TTC3: variants seen among roughly 807,000 people sequenced by gnomAD.
The protein encoded by TTC3 is tetratricopeptide repeat domain 3, also known as E3 ubiquitin-protein ligase TTC3.
Under a neutral mutation model 249.6 loss-of-function variants are expected in TTC3, and 180 were observed. That is an observed-to-expected ratio of 0.72 (90% CI 0.64 to 0.82). TTC3 has a LOEUF of 0.82. Among genes scored for constraint, TTC3 ranks in the 40% least tolerant of loss-of-function variants. The pLI, the probability that TTC3 is intolerant of heterozygous loss-of-function variation, is 0.00. For missense variants in TTC3, 2,061 were observed against 2,398.4 expected, an observed-to-expected ratio of 0.86 and a Z score of 2.94; for synonymous variants, 717 against 805.0, an observed-to-expected ratio of 0.89 and a Z score of 1.85.
intron 1 of TTC3, among the ~76,000 whole-genome samples, chr21:37,073,754 T>C (rs11701575): frequency 0.68 from 103,836 of 151,998 alleles, 35,906 homozygotes; most frequent in African/African-American, 0.77. Flanking sequence ...TCGTCGCCCC[T>C]TTTGTGTCGG....
intron 11 of TTC3, among the ~76,000 whole-genome samples, chr21:37,111,935 G>C (rs2075703117): frequency 7.7e-6 from 1 of 129,988 alleles, no homozygotes; most frequent in Admixed American, 8.2e-5. Context: ...TGAACAACCT[G>C]CTCCTGAATG....
chr21:37,163,481 G>A (rs944229188), intron 31 of TTC3, among the ~76,000 whole-genome samples: 1 of 152,204 alleles, frequency 6.6e-6, no homozygotes, highest in African/African-American at 2.4e-5. Context: ...CTCCTGAGTA[G>A]CTGGGATTAC....
exon 24 of TTC3, chr21:37,150,118 G>T: frequency 6.2e-7 from 1 of 1,612,746 alleles, no homozygotes; most frequent in Admixed American, 1.7e-5. Context: ...GACTGTGAAG[G>T]TGTCATTTCT....
intron 8 of TTC3, among the ~76,000 whole-genome samples, chr21:37,094,738 G>A (rs528548282): frequency 4.6e-5 from 7 of 152,148 alleles, no homozygotes; most frequent in South Asian, 2.1e-4. Context: ...GCCAAATACC[G>A]CACAAAATTT....
chr21:37,076,694 ATTTTTTTTTT>A (rs61629167), intron 1 of TTC3, among the ~76,000 whole-genome samples: 21,564 of 95,138 alleles, frequency 0.23, 2,264 homozygotes, highest in Non-Finnish European at 0.28. Context: ...AAACAAAGGG[ATTTTTTTTTT>A]TTTTTTTTTT....
At chr21:37,124,848 C>G in intron 14 of TTC3, 106 bp downstream of exon 14, 2 of 1,106,146 alleles carry the variant, frequency 1.8e-6, no homozygotes, top group Middle Eastern at 2.2e-4. Flanking sequence ...GATTTGAACC[C>G]TTTTTGCCTA....
intron 17 of TTC3, among the ~76,000 whole-genome samples, chr21:37,135,124 C>T (rs192035680): frequency 2.8e-4 from 42 of 152,108 alleles, no homozygotes; most frequent in East Asian, 9.6e-4. Context: ...AGGCTTAGTA[C>T]CATGTAGTGT....
intron 21 of TTC3, among the ~76,000 whole-genome samples, chr21:37,146,506 G>C (rs1238494321): frequency 6.6e-6 from 1 of 151,928 alleles, no homozygotes; most frequent in African/African-American, 2.4e-5. Context: ...GTGACAGAGT[G>C]AGACGCTGTC....
intron 35 of TTC3, among the ~76,000 whole-genome samples, chr21:37,174,868 TAGTA>T (rs1452048814): frequency 6.6e-6 from 1 of 152,162 alleles, no homozygotes; most frequent in Non-Finnish European, 1.5e-5. Flanking sequence ...TAGCCAGAGA[TAGTA>T]AGTACAGTAC....
chr21:37,121,176 G>A (rs976076381), intron 11 of TTC3: 1 of 152,172 alleles, frequency 6.6e-6, no homozygotes, highest in Admixed American at 6.5e-5. Context: ...TTTTGGTTCT[G>A]TAGCAAAAAA....
rs2147884946 is a variant in TTC3, at chr21:37,124,753, T to C, written c.1233+11T>C. On this transcript the variant is annotated intron_variant, in intron 14 of 45. Coordinates refer to ENST00000355666, the Ensembl canonical transcript of TTC3. ...AATCAGAATCTAAAGGTAAGCTCCA[T>C]TGAAAACTACAGTTTTTTTCAAGGA... 1.2e-6 allele frequency: 2 copies of C among 1,608,408 alleles called. No individual in the cohort carries two copies. The highest frequency in any genetic ancestry group is 1.7e-6 in the Non-Finnish European group (2 of 1,178,944).
At chr21:37,152,450 G>T (rs369475103) in intron 26 of TTC3, among the ~76,000 whole-genome samples, 1 of 148,996 alleles carries the variant, frequency 6.7e-6, no homozygotes, top group Non-Finnish European at 1.5e-5. Flanking sequence ...GCAGTGGCGC[G>T]ATCTCGGCTC....
At chr21:37,081,109 CTTTTTTTTTT>C (rs58809719) in intron 1 of TTC3, among the ~76,000 whole-genome samples, 7 of 58,190 alleles carry the variant, frequency 1.2e-4, no homozygotes, top group East Asian at 1.0e-3. Context: ...TTATTTATGC[CTTTTTTTTTT>C]TTTTTTTTTT....
Position 37,088,364 on chromosome 21 carries a change from G to T in TTC3, c.338+18G>T. ...GACGCCAAGTAAGTTACTATATGTT[G>T]CTCATTTTGTGTGGACAGTGATAAA... On this transcript the variant is annotated intron_variant, in intron 4 of 45. Transcript: ENST00000355666. 2 of 1,597,706 alleles carry T rather than the reference G, an allele frequency of 1.3e-6. No homozygotes were observed. Among genetic ancestry groups the T allele is most frequent in the South Asian group, 1.1e-5 (1 of 88,852 alleles).
intron 30 of TTC3, 64 bp from the exon 31 acceptor site, chr21:37,161,926 A>AT (rs11424055): frequency 1 from 1,147,872 of 1,148,198 alleles, 573,773 homozygotes; most frequent in East Asian, 1. Flanking sequence ...AATTTTAATG[A>AT]TTTTTCTCTT....
intron 10 of TTC3, among the ~76,000 whole-genome samples, chr21:37,104,338 C>G (rs1358806163): frequency 2.6e-5 from 4 of 151,956 alleles, no homozygotes; most frequent in African/African-American, 7.3e-5. Context: ...GCCTGTAATC[C>G]CAGCACTTTG....
At chr21:37,091,775 G>T (rs977276515) in intron 7 of TTC3, 18 of 154,036 alleles carry the variant, frequency 1.2e-4, no homozygotes, top group African/African-American at 4.1e-4. Flanking sequence ...TAGAGACAGG[G>T]TTTCACCGTG....
chr21:37,111,175 T>C (rs2075624721), intron 11 of TTC3, among the ~76,000 whole-genome samples: 1 of 152,164 alleles, frequency 6.6e-6, no homozygotes, highest in African/African-American at 2.4e-5. Context: ...GCTAACATCA[T>C]AATGACAGGA....
At chr21:37,200,882 C>A (rs1010126368) in intron 45 of TTC3, among the ~76,000 whole-genome samples, 1 of 152,148 alleles carries the variant, frequency 6.6e-6, no homozygotes, top group African/African-American at 2.4e-5. Flanking sequence ...TCCCTTGGAA[C>A]GGGATAAATA....
Sources: gnomAD v4.1 joint callset for allele counts (sites outside exome capture counted in the v4.1 genomes callset) on GRCh38, gnomAD v4.1.1 for gene constraint, MANE v1.5 for transcripts, NCBI Gene and HGNC (gene_info 2026-07-23, HGNC 2026-07-21) for gene names.